The following CNTNAP2 variants were observed in gnomAD, a reference collection of about 807,000 sequenced individuals.
CNTNAP2 encodes the protein contactin associated protein 2.
In CNTNAP2, 98 loss-of-function variants were observed where a neutral mutation model predicts 155.2. That is an observed-to-expected ratio of 0.63 (90% CI 0.54 to 0.75). The LOEUF is 0.75. Ranked by LOEUF, CNTNAP2 falls within the 30% of genes least tolerant of loss-of-function variation. CNTNAP2 has a pLI of 0.00. For missense variants in CNTNAP2, 1,727 were observed against 1,688.1 expected (o/e 1.02, Z -0.40); for synonymous variants, 651 against 631.2 (o/e 1.03, Z -0.47).
At chr7:147,868,395 A>C (rs1799269159) in intron 13 of CNTNAP2, among the ~76,000 whole-genome samples, 1 of 152,124 alleles carries the variant, frequency 6.6e-6, no homozygotes, top group African/African-American at 2.4e-5. Context: ...CCATACTGGG[A>C]GGTGTCTCCC....
chr7:147,265,303 C>A (rs1312235656), intron 8 of CNTNAP2, among the ~76,000 whole-genome samples: 1 of 152,188 alleles, frequency 6.6e-6, no homozygotes, highest in Non-Finnish European at 1.5e-5. Flanking sequence ...CTCCAGGCCA[C>A]CATTTTTTCC....
chr7:147,077,342 C>A (rs564406690), intron 4 of CNTNAP2, among the ~76,000 whole-genome samples: 8 of 152,014 alleles, frequency 5.3e-5, no homozygotes, highest in Non-Finnish European at 1.0e-4. Context: ...AAAGTGAATG[C>A]AATTATGATT....
chr7:146,128,417 C>A (rs772672534), intron 1 of CNTNAP2, among the ~76,000 whole-genome samples: 17 of 152,142 alleles, frequency 1.1e-4, no homozygotes, highest in African/African-American at 1.9e-4. Context: ...TACAGATTTA[C>A]ACTCCCATAA....
At chr7:146,975,479 TAAAC>T (rs1000410417) in intron 3 of CNTNAP2, among the ~76,000 whole-genome samples, 3 of 151,584 alleles carry the variant, frequency 2.0e-5, no homozygotes, top group Admixed American at 6.6e-5. Context: ...AAAATAATAA[TAAAC>T]AAAAAAAATA....
At chr7:146,135,377 TCA>T (rs1276471768) in intron 1 of CNTNAP2, among the ~76,000 whole-genome samples, 1 of 152,090 alleles carries the variant, frequency 6.6e-6, no homozygotes, top group Non-Finnish European at 1.5e-5. Flanking sequence ...ATATAATCTC[TCA>T]GAGTTTAAGT....
chr7:148,039,001 G>T (rs1282243959), intron 15 of CNTNAP2, among the ~76,000 whole-genome samples: 1 of 152,166 alleles, frequency 6.6e-6, no homozygotes, highest in Non-Finnish European at 1.5e-5. Context: ...AGAACCAATA[G>T]AAGATATACA....
intron 1 of CNTNAP2, among the ~76,000 whole-genome samples, chr7:146,538,598 C>A (rs563783899): frequency 1.5e-4 from 23 of 152,140 alleles, no homozygotes; most frequent in African/African-American, 5.5e-4. Context: ...GGGACAAACA[C>A]TTCTCCTACG....
chr7:146,614,372 C>T (rs918792762), intron 1 of CNTNAP2, among the ~76,000 whole-genome samples: 1 of 152,092 alleles, frequency 6.6e-6, no homozygotes, highest in Admixed American at 6.6e-5. Context: ...TATACTGATA[C>T]TATACATGAA....
At chr7:147,205,565 C>A (rs1250906129) in intron 8 of CNTNAP2, among the ~76,000 whole-genome samples, 3 of 136,440 alleles carry the variant, frequency 2.2e-5, no homozygotes, top group Non-Finnish European at 4.9e-5. Flanking sequence ...AGAATAAAAT[C>A]CTGTCATTTT....
chr7:146,650,174 A>C (rs2129163431), intron 1 of CNTNAP2, among the ~76,000 whole-genome samples: 1 of 152,276 alleles, frequency 6.6e-6, no homozygotes, highest in African/African-American at 2.4e-5. Flanking sequence ...ATACCATTTG[A>C]CCCAGCAATC....
At chr7:147,878,819 C>T (rs1404716878) in intron 13 of CNTNAP2, among the ~76,000 whole-genome samples, 2 of 152,138 alleles carry the variant, frequency 1.3e-5, no homozygotes, top group Non-Finnish European at 2.9e-5. Context: ...TGAATAAATT[C>T]TTACCAAACT....
chr7:146,721,022 T>TA (rs71525966), intron 1 of CNTNAP2, among the ~76,000 whole-genome samples: 1 of 120,444 alleles, frequency 8.3e-6, no homozygotes, highest in African/African-American at 4.2e-5. Flanking sequence ...ACTCTATATA[T>TA]TATATATACT....
chr7:146,989,575 C>T (rs1798173599), intron 3 of CNTNAP2, among the ~76,000 whole-genome samples: 1 of 152,082 alleles, frequency 6.6e-6, no homozygotes, highest in Non-Finnish European at 1.5e-5. Context: ...ATGATCAGAT[C>T]TTGTTTTCTT....
At chr7:146,977,806 G>T (rs1184394123) in intron 3 of CNTNAP2, among the ~76,000 whole-genome samples, 1 of 152,140 alleles carries the variant, frequency 6.6e-6, no homozygotes, top group Admixed American at 6.5e-5. Flanking sequence ...CGCTGTCTGA[G>T]TTTTAGATCT....
chr7:146,977,689 T>C (rs1797937891), intron 3 of CNTNAP2, among the ~76,000 whole-genome samples: 1 of 152,220 alleles, frequency 6.6e-6, no homozygotes, highest in Admixed American at 6.5e-5. Context: ...ATGTGGAACA[T>C]TCTCTTAGAT....
At chr7:146,464,921 G>A (rs1475968681) in intron 1 of CNTNAP2, among the ~76,000 whole-genome samples, 4 of 152,026 alleles carry the variant, frequency 2.6e-5, no homozygotes, top group African/African-American at 9.7e-5. Flanking sequence ...TCAGTGCTTG[G>A]ACCCCATCAA....
chr7:147,001,709 G>A (rs1215210805), intron 3 of CNTNAP2, among the ~76,000 whole-genome samples: 2 of 151,698 alleles, frequency 1.3e-5, no homozygotes, highest in African/African-American at 4.8e-5. Flanking sequence ...ACCACCCCAT[G>A]AGGATAGTTA....
chr7:146,594,391 C>T (rs1297977939), intron 1 of CNTNAP2, among the ~76,000 whole-genome samples: 6 of 151,162 alleles, frequency 4.0e-5, no homozygotes, highest in Non-Finnish European at 5.9e-5. Context: ...GGTGTTTGCA[C>T]GTCTATTACT....
rs199822052 is a variant in CNTNAP2, at chr7:148,061,878, TATAGATAG to T, written c.2384-56212_2384-56205del. Among the ~76,000 whole-genome samples the T allele has an allele frequency of 3.2e-3, 361 of 112,162 alleles. 11 individuals are homozygous for T. The highest frequency in any genetic ancestry group is 0.024 in the East Asian group (75 of 3,074). 73.6% of individuals were successfully genotyped at this position (112,162 alleles called of 152,430 possible). On this transcript the variant is annotated intron_variant, in intron 15 of 23. Transcript: ENST00000361727. ...AGATATAGATAGATAGATAAACAGATATAGATAGATAGATAGATAGATAGATAGATAGA... is the reference window on the plus strand; with the variant it reads ...AGATATAGATAGATAGATAAACAGATATAGATAGATAGATAGATAGATAGA...
Sources: gnomAD v4.1 joint callset for allele counts (sites outside exome capture counted in the v4.1 genomes callset) on GRCh38, gnomAD v4.1.1 for gene constraint, MANE v1.5 for transcripts, NCBI Gene and HGNC (gene_info 2026-07-23, HGNC 2026-07-21) for gene names.